Variants in PGLYRP3 observed in about 807,000 individuals in gnomAD.
PGLYRP3 encodes peptidoglycan recognition protein 3.
Under a neutral mutation model 36.0 loss-of-function variants are expected in PGLYRP3, and 39 were observed. The observed-to-expected ratio is 1.08, with a 90% CI of 0.84 to 1.41. The LOEUF (loss-of-function observed/expected upper bound fraction) is 1.41, where lower values mean the gene tolerates loss of function less well. Among genes scored for constraint, PGLYRP3 ranks in the 40% most tolerant of loss-of-function variants. The pLI, the probability that PGLYRP3 is intolerant of heterozygous loss-of-function variation, is 0.00. For missense variants in PGLYRP3, 407 were observed against 427.9 expected, an observed-to-expected ratio of 0.95 and a Z score of 0.43; for synonymous variants, 204 against 172.8, an observed-to-expected ratio of 1.18 and a Z score of -1.42.
At chr1:153,305,834 G>A (rs1659726191) in intron 3 of PGLYRP3, among the ~76,000 whole-genome samples, 1 of 152,210 alleles carries the variant, frequency 6.6e-6, no homozygotes, top group Admixed American at 6.5e-5. Flanking sequence ...CCCCTTCCCT[G>A]GCTTTGCTGC....
intron 7 of PGLYRP3, among the ~76,000 whole-genome samples, 160 bp from the exon 8 acceptor site, chr1:153,298,294 A>G (rs1279251767): frequency 1.3e-5 from 2 of 152,130 alleles, no homozygotes. Flanking sequence ...ATCAGGCACA[A>G]AAAGAAAACA....
chr1:153,305,143 G>A, intron 3 of PGLYRP3, 78 bp from the exon 4 acceptor site: 1 of 1,179,374 alleles, frequency 8.5e-7, no homozygotes, highest in South Asian at 1.4e-5. Context: ...AAGGAAAAGG[G>A]GTTCTGGAGG....
intron 7 of PGLYRP3, among the ~76,000 whole-genome samples, chr1:153,298,398 G>A (rs150596971): frequency 6.6e-6 from 1 of 152,244 alleles, no homozygotes; most frequent in East Asian, 1.9e-4. Context: ...GCTCACGCCT[G>A]TAATCCCAGC....
chr1:153,300,920 T>C (rs1659576304), intron 6 of PGLYRP3, among the ~76,000 whole-genome samples: 1 of 152,180 alleles, frequency 6.6e-6, no homozygotes, highest in Non-Finnish European at 1.5e-5. Flanking sequence ...CTTGCTTTTG[T>C]TTTTGTCTTT....
chr1:153,300,337 C>CA (rs1180566781), intron 6 of PGLYRP3, among the ~76,000 whole-genome samples: 23 of 152,340 alleles, frequency 1.5e-4, no homozygotes, highest in South Asian at 4.1e-4. Context: ...AATCACCCCC[C>CA]ACAAAGCCTT....
intron 2 of PGLYRP3, among the ~76,000 whole-genome samples, chr1:153,309,879 G>A (rs185375341): frequency 1.3e-5 from 2 of 152,336 alleles, no homozygotes; most frequent in Non-Finnish European, 2.9e-5. Flanking sequence ...CAGGGCCTCA[G>A]CTTCTCCATT....
chr1:153,310,783 G>C (rs1013421424), intron 1 of PGLYRP3, 77 bp from the exon 2 acceptor site: 15 of 919,850 alleles, frequency 1.6e-5, no homozygotes, highest in Middle Eastern at 3.2e-4. Flanking sequence ...TGGCACCACT[G>C]TCTGCCTCCC....
intron 6 of PGLYRP3, among the ~76,000 whole-genome samples, 195 bp from the exon 7 acceptor site, chr1:153,299,426 C>G (rs1005917273): frequency 1.3e-5 from 2 of 152,180 alleles, no homozygotes; most frequent in African/African-American, 4.8e-5. Context: ...TCAACCTGGC[C>G]TTTGTTCCCA....
intron 2 of PGLYRP3, among the ~76,000 whole-genome samples, chr1:153,309,217 A>G (rs1571108695): frequency 6.6e-6 from 1 of 152,166 alleles, no homozygotes; most frequent in African/African-American, 2.4e-5. Flanking sequence ...CCCATCTCCC[A>G]CAGACCAGCC....
At chr1:153,307,819 C>G (rs1455189646) in intron 2 of PGLYRP3, among the ~76,000 whole-genome samples, 1 of 152,156 alleles carries the variant, frequency 6.6e-6, no homozygotes, top group Non-Finnish European at 1.5e-5. Context: ...CGGGCGAACA[C>G]TCCCTAGCGG....
At chr1:153,303,110 G>A (rs1343854710) in intron 5 of PGLYRP3, among the ~76,000 whole-genome samples, 1 of 152,188 alleles carries the variant, frequency 6.6e-6, no homozygotes, top group Non-Finnish European at 1.5e-5. Flanking sequence ...GAGATTTACA[G>A]TTTTAAAAAG....
At chr1:153,309,616 G>A (rs1385471360) in intron 2 of PGLYRP3, among the ~76,000 whole-genome samples, 1 of 152,206 alleles carries the variant, frequency 6.6e-6, no homozygotes, top group Non-Finnish European at 1.5e-5. Context: ...AGGTGTGCTG[G>A]AGAGACTGCT....
At chr1:153,311,534 C>T (rs1478378429) in intron 1 of PGLYRP3, among the ~76,000 whole-genome samples, 2 of 152,090 alleles carry the variant, frequency 1.3e-5, no homozygotes, top group African/African-American at 4.8e-5. Flanking sequence ...CAATGTGGGC[C>T]CAAGAGGTTG....
At chr1:153,303,547 T>C (rs1023205518) in intron 5 of PGLYRP3, among the ~76,000 whole-genome samples, 4 of 152,256 alleles carry the variant, frequency 2.6e-5, no homozygotes, top group Admixed American at 6.5e-5. Flanking sequence ...GTTTCATCTG[T>C]TTTGTTCACA....
At chr1:153,312,068 G>T (rs1218154619) in intron 1 of PGLYRP3, among the ~76,000 whole-genome samples, 2 of 152,194 alleles carry the variant, frequency 1.3e-5, no homozygotes, top group African/African-American at 4.8e-5. Context: ...ATCAATTCTG[G>T]TTTGCACCCT....
chr1:153,309,836 C>G (rs997802085), intron 2 of PGLYRP3, among the ~76,000 whole-genome samples: 11 of 152,206 alleles, frequency 7.2e-5, no homozygotes, highest in African/African-American at 2.7e-4. Context: ...ACACAAAACT[C>G]CCTGCTTTGC....
intron 5 of PGLYRP3, among the ~76,000 whole-genome samples, chr1:153,303,019 A>C (rs1257570196): frequency 6.6e-6 from 1 of 152,262 alleles, no homozygotes; most frequent in Non-Finnish European, 1.5e-5. Flanking sequence ...ACAACTTGAA[A>C]TCTAGAGAGA....
Position 153,303,899 on chromosome 1 carries a change from C to A in PGLYRP3, c.487G>T (p.Glu163Ter). The change falls in exon 5 of 8, where the codon GAG becomes TAG. Residue 163 changes from glutamate to a stop codon, truncating the protein, a stop_gained. Coordinates refer to ENST00000683862, the MANE Select transcript of PGLYRP3 (RefSeq NM_052891.3). LOFTEE classifies it high-confidence loss of function. ...RYIQPLLLKE[E>*]TCLDPQHPVM... ...GGATGTTGAGGGTCCAGGCAGGTCT[C>A]TTCTTTCAGAAGAAGTGGCTGAATA... 6.2e-7 allele frequency: 1 copy of A among 1,613,910 alleles called. No homozygotes were observed. The highest frequency in any genetic ancestry group is 8.5e-7 in the Non-Finnish European group (1 of 1,179,952).
In PGLYRP3 at chr1:153,297,581, G is replaced by GA. The variant is rs918244220; in HGVS notation, c.*374dup. On this transcript the variant is annotated 3_prime_UTR_variant, in exon 8 of 8. Coordinates refer to ENST00000683862, the MANE Select transcript of PGLYRP3 (RefSeq NM_052891.3). ...AAAGAAAAAGAAAGAAAGAAAGAAA[G>GA]AAGAAAGAAAGAAAGAAAGAAAGAG... Among the ~76,000 whole-genome samples, 276 of 48,396 alleles carry GA rather than the reference G, an allele frequency of 5.7e-3. 10 individuals carry two copies. Among genetic ancestry groups the GA allele is most frequent in the African/African-American group, 0.017 (253 of 14,520 alleles). The allele number at this position is 48,396 out of a possible 152,430, so 31.7% of individuals were successfully genotyped here. A position where few individuals can be genotyped will look rare whatever the true frequency, so the allele number is the denominator to read the frequency against.
Sources: gnomAD v4.1 joint callset for allele counts (sites outside exome capture counted in the v4.1 genomes callset) on GRCh38, gnomAD v4.1.1 for gene constraint, MANE v1.5 for transcripts, NCBI Gene and HGNC (gene_info 2026-07-23, HGNC 2026-07-21) for gene names.